The following RFWD3 variants were observed in gnomAD, a reference collection of about 807,000 sequenced individuals.
RFWD3 encodes the protein ring finger and WD repeat domain 3.
A neutral mutation model predicts 87.7 loss-of-function variants in RFWD3; 65 were observed. The ratio of observed to expected loss-of-function variants is 0.74; its 90% CI spans 0.61 to 0.91. The LOEUF is 0.91. Among genes scored for constraint, RFWD3 ranks in the 40% least tolerant of loss-of-function variants. The pLI is 0.00. For synonymous variants in RFWD3, 433 were observed against 352.8 expected (o/e 1.23, Z -2.55); for missense variants, 1,078 against 938.5 (o/e 1.15, Z -1.94).
chr16:74,637,092 T>C (rs903248377), intron 7 of RFWD3, among the ~76,000 whole-genome samples: 2 of 138,636 alleles, frequency 1.4e-5, no homozygotes, highest in Non-Finnish European at 3.0e-5. Flanking sequence ...GGGTTGAAAG[T>C]CCTTAATGGT....
Position 74,626,450 on chromosome 16 carries a change from C to CA in RFWD3, c.2073dup (p.Gly692TrpfsTer20), listed in dbSNP as rs867228258. The CA allele has an allele frequency of 1.9e-6, 3 of 1,614,000 alleles. No individual in the cohort carries two copies. The highest frequency in any genetic ancestry group is 2.5e-6 in the Non-Finnish European group (3 of 1,180,016). On this transcript the variant is annotated frameshift_variant, in exon 12 of 13. Coordinates refer to ENST00000361070, the MANE Select transcript of RFWD3 (RefSeq NM_018124.4). LOFTEE classifies it high-confidence loss of function. ...GTCAATAGTTTGCAAGTAGGTCCTC[C>CA]AAAAAATGTATGTACAGGCTGGCAG...
At position 74,643,669 on chromosome 16, in the gene RFWD3, GTTTTTTTTTTT is replaced by G. The variant is rs35397997; in HGVS notation, c.1079+682_1079+692del. On this transcript the variant is annotated intron_variant, in intron 6 of 12. Transcript: ENST00000361070. The stretch of plus-strand genomic sequence containing the variant: ...ATACTGAGTGGTGTTACTAGCAACT[GTTTTTTTTTTT>G]TTTTTTTTTTTTTGAGACGGAGTCT... 2.7e-4 allele frequency among the ~76,000 whole-genome samples: 28 copies of G among 105,078 alleles called. 2 individuals are homozygous for G. The highest frequency in any genetic ancestry group is 3.2e-4 in the Non-Finnish European group (17 of 53,498). The allele number at this position is 105,078 out of a possible 152,430, so 68.9% of individuals were successfully genotyped here.
At chr16:74,652,279 G>A (rs1960630740) in intron 2 of RFWD3, among the ~76,000 whole-genome samples, 157 bp from the exon 3 acceptor site, 1 of 151,676 alleles carries the variant, frequency 6.6e-6, no homozygotes, top group African/African-American at 2.4e-5. Context: ...ATAAGGGGGG[G>A]AGACTGGCCT....
intron 11 of RFWD3, among the ~76,000 whole-genome samples, chr16:74,626,758 T>C (rs1429562149): frequency 6.6e-6 from 1 of 152,182 alleles, no homozygotes; most frequent in Admixed American, 6.5e-5. Context: ...CAGTGAAATT[T>C]AGAACCATAG....
intron 3 of RFWD3, among the ~76,000 whole-genome samples, chr16:74,650,026 T>C (rs907349601): frequency 6.6e-6 from 1 of 152,224 alleles, no homozygotes; most frequent in Non-Finnish European, 1.5e-5. Context: ...AATCCACATT[T>C]GCATCTGCAG....
chr16:74,654,131 C>T (rs988551172), intron 2 of RFWD3, among the ~76,000 whole-genome samples: 2 of 152,100 alleles, frequency 1.3e-5, no homozygotes, highest in African/African-American at 4.8e-5. Flanking sequence ...TATCCACAAG[C>T]AGTCATTTCC....
chr16:74,638,698 G>T (rs115394738), intron 6 of RFWD3, among the ~76,000 whole-genome samples: 40 of 152,304 alleles, frequency 2.6e-4, no homozygotes, highest in African/African-American at 7.2e-4. Context: ...AAAAAAATTA[G>T]ATCAACAGCA....
In RFWD3 at chr16:74,621,979, T is replaced by G. The variant is rs1231879810; in HGVS notation, c.*1949A>C. On this transcript the variant is annotated 3_prime_UTR_variant, in exon 13 of 13. Coordinates refer to ENST00000361070, the MANE Select transcript of RFWD3 (RefSeq NM_018124.4). ...GAATTTGCTTCCAAAACATCCAAAT[T>G]TAATGTACTAATGCAAGGACTGGTA... is the stretch of plus-strand genomic sequence containing the variant. 2 of 152,198 alleles carry G rather than the reference T, an allele frequency of 1.3e-5. No homozygotes were observed. The highest frequency in any genetic ancestry group is 4.8e-5 in the African/African-American group (2 of 41,450). 9.4% of individuals were successfully genotyped at this position (152,198 alleles called of 1,614,324 possible).
At chr16:74,653,699 C>T (rs1960747078) in intron 2 of RFWD3, among the ~76,000 whole-genome samples, 1 of 151,878 alleles carries the variant, frequency 6.6e-6, no homozygotes, top group South Asian at 2.1e-4. Flanking sequence ...TGACAGGTGA[C>T]CTACTAGAAG....
chr16:74,662,525 CAA>C (rs1304799527), intron 1 of RFWD3, among the ~76,000 whole-genome samples: 2 of 152,090 alleles, frequency 1.3e-5, no homozygotes, highest in African/African-American at 4.8e-5. Context: ...GTTGAGGAGA[CAA>C]AGAGGACCAA....
In RFWD3 at chr16:74,660,919, T is replaced by C. The variant is rs756729143; in HGVS notation, c.518+13A>G. On this transcript the variant is annotated intron_variant, in intron 2 of 12. Coordinates refer to ENST00000361070, the MANE Select transcript of RFWD3 (RefSeq NM_018124.4). ...ACAGCAATGATCACAGACTTATCCA[T>C]ATATTTATTTACCTGGCACTGTCTG... 9.4e-6 allele frequency: 15 copies of C among 1,603,926 alleles called. No homozygotes were observed. The highest frequency in any genetic ancestry group is 6.8e-5 in the Admixed American group (4 of 59,226).
chr16:74,652,170 C>T (rs367973085), intron 2 of RFWD3, 48 bp from the exon 3 acceptor site: 1 of 1,513,788 alleles, frequency 6.6e-7, no homozygotes, highest in Non-Finnish European at 9.1e-7. Flanking sequence ...GAACTATCAT[C>T]ACAAAAACAA....
intron 2 of RFWD3, among the ~76,000 whole-genome samples, chr16:74,655,093 T>C (rs1311008001): frequency 6.6e-6 from 1 of 152,198 alleles, no homozygotes; most frequent in Non-Finnish European, 1.5e-5. Context: ...ACTAAAAAGA[T>C]TCTCAGTGTA....
chr16:74,626,701 A>G (rs949247507), intron 11 of RFWD3, 147 bp from the exon 12 acceptor site: 9 of 633,514 alleles, frequency 1.4e-5, no homozygotes, highest in African/African-American at 1.3e-4. Flanking sequence ...AACAAATGAA[A>G]GAACAATATC....
rs1432468765 is a variant in RFWD3 at position 74,644,402 on chromosome 16, G to A, written c.1039C>T (p.Leu347=). The A allele has an allele frequency of 1.2e-6, 2 of 1,614,180 alleles. No individual in the cohort carries two copies. Among genetic ancestry groups the A allele is most frequent in the Non-Finnish European group, 8.5e-7 (1 of 1,180,040 alleles). Residue 347 remains leucine (L), a synonymous_variant, in exon 6 of 13, where the codon CTG becomes TTG. Transcript: ENST00000361070. ...SDIVVLYART[L]RALDTSEQER... ...TGTTCACTAGTGTCCAAAGCTCTCA[G>A]GGTTCGGGCATAAAGGACGACAATG...
rs557808543 is a variant in RFWD3 at position 74,666,229 on chromosome 16, A to G, written c.-3+557T>C. The G allele has an allele frequency of 4.1e-5, 6 of 147,052 alleles. No homozygotes were observed. In the South Asian group the frequency reaches 6.4e-4, roughly 16 times the overall value. The allele number at this position is 147,052 out of a possible 1,614,324, so 9.1% of individuals were successfully genotyped here. Reference sequence around the variant, plus strand: ...AGATAGATAGATAGATAGATTGATTAGATACATAGATATTAAATCCCTGTT... The same window carrying G: ...AGATAGATAGATAGATAGATTGATTGGATACATAGATATTAAATCCCTGTT... On this transcript the variant is annotated intron_variant, in intron 1 of 12. Transcript: ENST00000361070.
At chr16:74,662,288 T>C (rs1458856232) in intron 1 of RFWD3, among the ~76,000 whole-genome samples, 6 of 152,158 alleles carry the variant, frequency 3.9e-5, no homozygotes, top group Non-Finnish European at 7.4e-5. Flanking sequence ...AGTACATCAG[T>C]ATAACTTATC....
intron 2 of RFWD3, among the ~76,000 whole-genome samples, chr16:74,654,333 A>G (rs1320526725): frequency 2.0e-5 from 3 of 151,452 alleles, no homozygotes; most frequent in African/African-American, 4.9e-5. Context: ...AACCTTTATT[A>G]TTTCTTTCTG....
At chr16:74,645,792 G>T (rs1368240238) in intron 4 of RFWD3, among the ~76,000 whole-genome samples, 1 of 115,928 alleles carries the variant, frequency 8.6e-6, no homozygotes, top group African/African-American at 3.4e-5. Context: ...TCGCTCTGTC[G>T]CCCAGGCTGG....
Sources: allele counts gnomAD v4.1 joint callset (sites outside exome capture counted in the v4.1 genomes callset), GRCh38; gene constraint gnomAD v4.1.1; transcripts MANE v1.5; gene names NCBI Gene and HGNC (gene_info 2026-07-23, HGNC 2026-07-21).